The following IQUB variants were observed in gnomAD, a reference collection of about 807,000 sequenced individuals.
The protein encoded by IQUB is IQ motif and ubiquitin-like domain-containing protein.
In IQUB, 86 loss-of-function variants were observed where a neutral mutation model predicts 86.4. That is an observed-to-expected ratio of 1.00 (90% CI 0.84 to 1.19). The LOEUF (loss-of-function observed/expected upper bound fraction) is 1.19. Ranked by LOEUF, IQUB falls within the 50% of genes most tolerant of loss-of-function variation. The pLI is 0.00. For missense variants in IQUB, 946 were observed against 916.9 expected, an observed-to-expected ratio of 1.03 and a Z score of -0.41; for synonymous variants, 289 against 304.5, an observed-to-expected ratio of 0.95 and a Z score of 0.53.
At chr7:123,461,634 A>T in intron 10 of IQUB, 29 bp from the exon 11 acceptor site, 2 of 1,513,356 alleles carry the variant, frequency 1.3e-6, no homozygotes, top group Non-Finnish European at 1.8e-6. Flanking sequence ...AAGAAAAAAA[A>T]GGTCTAAAAA....
intron 8 of IQUB, among the ~76,000 whole-genome samples, chr7:123,472,868 G>C (rs1794593873): frequency 6.6e-6 from 1 of 152,138 alleles, no homozygotes; most frequent in African/African-American, 2.4e-5. Context: ...AGCTTTGGCT[G>C]TGATAACAGA....
intron 1 of IQUB, among the ~76,000 whole-genome samples, chr7:123,517,257 C>T (rs547734323): frequency 2.6e-5 from 4 of 151,380 alleles, no homozygotes; most frequent in Non-Finnish European, 5.9e-5. Context: ...ATCGGCAGGG[C>T]GCTGTGGCTC....
At chr7:123,497,896 C>T (rs767286179) in intron 6 of IQUB, among the ~76,000 whole-genome samples, 2 of 151,692 alleles carry the variant, frequency 1.3e-5, no homozygotes, top group Non-Finnish European at 2.9e-5. Context: ...AAACAAGGGG[C>T]TCTAGGACTG....
At chr7:123,503,142 G>T in intron 4 of IQUB, 26 bp from the exon 5 acceptor site, 1 of 1,609,702 alleles carries the variant, frequency 6.2e-7, no homozygotes, top group Non-Finnish European at 8.5e-7. Context: ...AAGATTCAAT[G>T]AAAGCTCAAC....
intron 3 of IQUB, among the ~76,000 whole-genome samples, chr7:123,505,664 G>T (rs1266474411): frequency 6.6e-6 from 1 of 152,176 alleles, no homozygotes; most frequent in Non-Finnish European, 1.5e-5. Flanking sequence ...ACGGCCCTGG[G>T]CCTAGCTCAC....
intron 7 of IQUB, among the ~76,000 whole-genome samples, chr7:123,490,790 C>T (rs1795422169): frequency 6.6e-6 from 1 of 152,060 alleles, no homozygotes. Context: ...CATGGAGAAA[C>T]CCCATCTCTA....
chr7:123,502,765 A>G lies in IQUB; in HGVS notation c.868-13T>C. The G allele has an allele frequency of 6.4e-7, 1 of 1,573,618 alleles. No homozygotes were observed. The highest frequency in any genetic ancestry group is 8.6e-7 in the Non-Finnish European group (1 of 1,157,076). Reference sequence around the variant, plus strand: ...TCTGAAAAACTGTCTAAAAGAAAACATTAAAAATTTAAATCAGTATCCCCT... The same window carrying G: ...TCTGAAAAACTGTCTAAAAGAAAACGTTAAAAATTTAAATCAGTATCCCCT... On this transcript the variant is annotated splice_polypyrimidine_tract_variant and intron_variant, in intron 5 of 12. Transcript: ENST00000324698.
chr7:123,485,214 C>T (rs1398033887), intron 7 of IQUB, among the ~76,000 whole-genome samples: 1 of 152,056 alleles, frequency 6.6e-6, no homozygotes, highest in African/African-American at 2.4e-5. Flanking sequence ...TGTCAACAGG[C>T]TTGGTTTCTT....
At chr7:123,453,636 A>G (rs1423033686) in intron 12 of IQUB, among the ~76,000 whole-genome samples, 1 of 151,912 alleles carries the variant, frequency 6.6e-6, no homozygotes, top group Non-Finnish European at 1.5e-5. Context: ...GCTGAGGAAA[A>G]AGTGAGATGG....
chr7:123,516,862 T>G (rs1048767352), intron 1 of IQUB, among the ~76,000 whole-genome samples: 3 of 152,118 alleles, frequency 2.0e-5, no homozygotes, highest in Admixed American at 6.5e-5. Context: ...GAATAGGAAC[T>G]AAAAATTATG....
intron 6 of IQUB, among the ~76,000 whole-genome samples, chr7:123,500,614 G>A (rs549300720): frequency 1.2e-4 from 19 of 152,040 alleles, no homozygotes; most frequent in Non-Finnish European, 1.8e-4. Context: ...CTTATTAAAC[G>A]GAAATGTACT....
chr7:123,482,625 G>A (rs572402574), intron 7 of IQUB, among the ~76,000 whole-genome samples: 1 of 152,070 alleles, frequency 6.6e-6, no homozygotes, highest in South Asian at 2.1e-4. Flanking sequence ...TGCGTAGGAT[G>A]CAACCAAAAT....
At chr7:123,452,972 T>C (rs775433803) in intron 12 of IQUB, 47 bp from the exon 13 acceptor site, 20 of 1,492,252 alleles carry the variant, frequency 1.3e-5, no homozygotes, top group Admixed American at 2.0e-5. Context: ...AGATATATTT[T>C]GCCAGGTAAA....
intron 6 of IQUB, chr7:123,500,987 A>G (rs2117193966): frequency 6.6e-6 from 1 of 152,278 alleles, no homozygotes; most frequent in African/African-American, 2.4e-5. Flanking sequence ...TCTTACTAAG[A>G]TTGCAATCTC....
intron 7 of IQUB, among the ~76,000 whole-genome samples, chr7:123,491,410 G>A (rs1292596019): frequency 6.6e-6 from 1 of 151,980 alleles, no homozygotes; most frequent in East Asian, 1.9e-4. Flanking sequence ...GGAAAAATCA[G>A]GGGAAGAGTA....
Position 123,502,715 on chromosome 7 carries a change from T to C in IQUB, c.905A>G (p.Asn302Ser). The C allele has an allele frequency of 1.9e-6, 3 of 1,601,850 alleles. No individual in the cohort carries two copies. Among genetic ancestry groups the C allele is most frequent in the Non-Finnish European group, 2.5e-6 (3 of 1,176,716 alleles). ...FQKKNLQQTT[N>S]TTSTQMTNIG... ...GTTAGTCATCTGTGTGGATGTTGTA[T>C]TTGTAGTTTGTTGGAGATTTTTTTT... Residue 302 changes from asparagine to serine, a missense_variant, in exon 6 of 13, where the codon AAT (asparagine) becomes AGT (serine). Physicochemically the swap from Asn to Ser is conservative, Grantham distance 46. Coordinates refer to ENST00000324698, the MANE Select transcript of IQUB (RefSeq NM_178827.5).
Position 123,470,782 on chromosome 7 carries a change from C to T in IQUB, c.1411-1398G>A, listed in dbSNP as rs1412294014. 3.3e-5 allele frequency among the ~76,000 whole-genome samples: 5 copies of T among 150,746 alleles called. No individual in the cohort carries two copies. In the South Asian group the frequency reaches 6.3e-4, roughly 19 times the overall value. Reference sequence around the variant, plus strand: ...AGGAGAATGGCATGAACCTGGGAGGCGGAGCTTGCAGTGAGCCGAGATCGC... The same window carrying T: ...AGGAGAATGGCATGAACCTGGGAGGTGGAGCTTGCAGTGAGCCGAGATCGC... On this transcript the variant is annotated intron_variant, in intron 8 of 12. Coordinates refer to ENST00000324698, the MANE Select transcript of IQUB (RefSeq NM_178827.5).
At chr7:123,480,833 C>T (rs57498202) in intron 7 of IQUB, among the ~76,000 whole-genome samples, 35,353 of 151,938 alleles carry the variant, frequency 0.23, 4,837 homozygotes, top group East Asian at 0.33. Context: ...CAAACTAATG[C>T]ATTATGTTAT....
chr7:123,526,004 A>G (rs1458492304), intron 1 of IQUB, among the ~76,000 whole-genome samples: 8 of 143,254 alleles, frequency 5.6e-5, no homozygotes, highest in South Asian at 2.3e-4. Context: ...CCATGTAGTT[A>G]AGCGGTTTTG....
Sources: gnomAD v4.1 joint callset for allele counts (sites outside exome capture counted in the v4.1 genomes callset) on GRCh38, gnomAD v4.1.1 for gene constraint, MANE v1.5 for transcripts, NCBI Gene and HGNC (gene_info 2026-07-23, HGNC 2026-07-21) for gene names.